Variants in LRRC27 observed in about 807,000 individuals in gnomAD.
LRRC27 encodes leucine rich repeat containing 27, also known as leucine-rich repeat-containing protein 27.
In LRRC27, 57 loss-of-function variants were observed where a neutral mutation model predicts 55.0. The observed-to-expected ratio is 1.04, with a 90% CI of 0.84 to 1.29. LRRC27 has a LOEUF of 1.29. Among genes scored for constraint, LRRC27 ranks in the 50% most tolerant of loss-of-function variants. The pLI, the probability that LRRC27 is intolerant of heterozygous loss-of-function variation, is 0.00. For missense variants in LRRC27, 721 were observed against 651.5 expected, an observed-to-expected ratio of 1.11 and a Z score of -1.16; for synonymous variants, 278 against 251.9, an observed-to-expected ratio of 1.10 and a Z score of -0.98.
At chr10:132,342,944 T>C (rs568815504) in intron 4 of LRRC27, among the ~76,000 whole-genome samples, 175 of 152,308 alleles carry the variant, frequency 1.1e-3, no homozygotes, top group African/African-American at 4.1e-3. Context: ...TACATAAAAG[T>C]ACAAACATTA....
chr10:132,344,839 C>G (rs535880335), intron 5 of LRRC27, 189 bp downstream of exon 5: 15 of 531,084 alleles, frequency 2.8e-5, no homozygotes, highest in Admixed American at 6.4e-5. Flanking sequence ...TTCCTTGGTT[C>G]TATAAATCTG....
upstream of LRRC27, chr10:132,331,780 C>T: frequency 6.2e-7 from 1 of 1,608,260 alleles, no homozygotes; most frequent in South Asian, 1.1e-5. Context: ...GTCGCCCCTC[C>T]AGACCCTCGC....
In LRRC27 at chr10:132,355,849, A is replaced by AAACTC. The variant is rs2068283136; in HGVS notation, c.1134_1135insACTCA (p.Glu379ThrfsTer25). ...GCCCAGAGGATGAGGAAGAGGAAGGAAGAGCTCAGCAAACTCCTGCCTCCG... is the reference window on the plus strand; with the variant it reads ...GCCCAGAGGATGAGGAAGAGGAAGGAAACTCAGAGCTCAGCAAACTCCTGCCTCCG... On this transcript the variant is annotated frameshift_variant, in exon 8 of 11. Coordinates refer to ENST00000368614, the MANE Select transcript of LRRC27 (RefSeq NM_030626.3). LOFTEE classifies it high-confidence loss of function. 6.4e-7 allele frequency: 1 copy of AAACTC among 1,558,746 alleles called. No homozygotes were observed. Among genetic ancestry groups the AAACTC allele is most frequent in the African/African-American group, 1.4e-5 (1 of 73,232 alleles).
At position 132,374,371 on chromosome 10, in the gene LRRC27, G is replaced by T. The variant is rs939641547; in HGVS notation, c.1417-695G>T. 6.6e-6 allele frequency among the ~76,000 whole-genome samples: 1 copy of T among 152,144 alleles called. No homozygotes were observed. Among genetic ancestry groups the T allele is most frequent in the African/African-American group, 2.4e-5 (1 of 41,412 alleles). ...CAGGGCTCCTGTGCTTGGAGTGGGG[G>T]AGGTTGGGACTCTGCAGAGGGCCTG... On this transcript the variant is annotated intron_variant, in intron 10 of 10. Transcript: ENST00000368614. The surrounding 1 kb of genome is among the most constrained non-coding windows in gnomAD (Gnocchi z 4.4).
At position 132,375,251 on chromosome 10, in the gene LRRC27, G is replaced by T; in HGVS notation, c.*9G>T. ...TTCGCAGATACCAGTGACACCAGGT[G>T]GCTGGACTGATGGAGACGTCTTCAG... On this transcript the variant is annotated 3_prime_UTR_variant, in exon 11 of 11. Coordinates refer to ENST00000368614, the MANE Select transcript of LRRC27 (RefSeq NM_030626.3). 1 of 1,608,224 alleles carries T rather than the reference G, an allele frequency of 6.2e-7. No homozygotes were observed. Among genetic ancestry groups the T allele is most frequent in the Non-Finnish European group, 8.5e-7 (1 of 1,176,156 alleles).
Position 132,359,102 on chromosome 10 carries a change from T to C in LRRC27, c.1171-2355T>C, listed in dbSNP as rs1339906971. On this transcript the variant is annotated intron_variant, in intron 8 of 10. Coordinates refer to ENST00000368614, the MANE Select transcript of LRRC27 (RefSeq NM_030626.3). ...GGGAGGAGCCGAGGTGATGGAGCAGTGTGGGGAGGAGCCGAGGTGGTGGAG... is the reference window on the plus strand; with the variant it reads ...GGGAGGAGCCGAGGTGATGGAGCAGCGTGGGGAGGAGCCGAGGTGGTGGAG... Among the ~76,000 whole-genome samples the C allele has an allele frequency of 1.9e-3, 15 of 8,006 alleles. 2 individuals are homozygous for C. The highest frequency in any genetic ancestry group is 5.2e-3 in the South Asian group (1 of 194). 5.3% of individuals were successfully genotyped at this position (8,006 alleles called of 152,430 possible).
In LRRC27 at chr10:132,337,547, T is replaced by C. The variant is rs1326857930; in HGVS notation, c.211-18T>C. 1 of 1,608,888 alleles carries C rather than the reference T, an allele frequency of 6.2e-7. No individual in the cohort carries two copies. The highest frequency in any genetic ancestry group is 8.5e-7 in the Non-Finnish European group (1 of 1,177,958). ...AGTTGGTTAACAAAACATTCTCTGA[T>C]TCTCTTTTCCATGGAAGCAATTGCA... On this transcript the variant is annotated intron_variant, in intron 2 of 10. Coordinates refer to ENST00000368614, the MANE Select transcript of LRRC27 (RefSeq NM_030626.3).
chr10:132,342,220 A>G lies in LRRC27; in HGVS notation c.349A>G (p.Lys117Glu), dbSNP rs754951138. ...TTTTGTTTTGCTTTAAAGGCATTTG[A>G]AAACTTTGCTTTTAGAAAGAAATCC... ...PSGIGAHQHL[K>E]TLLLERNPIK... Residue 117 changes from lysine (K) to glutamate (E), a missense_variant, in exon 4 of 11, where the codon AAA becomes GAA. Physicochemically the swap from Lys to Glu is moderately conservative, Grantham distance 56. Transcript: ENST00000368614. 1 of 1,550,936 alleles carries G rather than the reference A, an allele frequency of 6.4e-7. No individual in the cohort carries two copies. The highest frequency in any genetic ancestry group is 1.2e-5 in the South Asian group (1 of 83,210).
intron 7 of LRRC27, chr10:132,353,216 T>TTGTGAGC (rs1220703920): frequency 5.2e-6 from 7 of 1,348,018 alleles, no homozygotes; most frequent in Non-Finnish European, 6.7e-6. Context: ...CCCGGCTTCT[T>TTGTGAGC]TGTGAGCTGC....
chr10:132,366,966 G>T, intron 10 of LRRC27: 1 of 1,274,940 alleles, frequency 7.8e-7, no homozygotes, highest in Non-Finnish European at 1.0e-6. Context: ...CAAGGAGTTT[G>T]TATCTGCCTT....
chr10:132,357,626 G>C (rs2068366108), intron 8 of LRRC27, among the ~76,000 whole-genome samples: 1 of 152,234 alleles, frequency 6.6e-6, no homozygotes, highest in Non-Finnish European at 1.5e-5. Context: ...TGACTTTGCG[G>C]GGAGGGCTGT....
chr10:132,349,045 A>G (rs755407762), intron 6 of LRRC27: 3 of 1,607,198 alleles, frequency 1.9e-6, no homozygotes, highest in South Asian at 2.2e-5. Context: ...GCGTGCGCCT[A>G]CACATATGGG....
chr10:132,351,812 T>C, intron 7 of LRRC27, 59 bp downstream of exon 7: 1 of 1,534,298 alleles, frequency 6.5e-7, no homozygotes, highest in Non-Finnish European at 8.8e-7. Flanking sequence ...GAACTGGGAC[T>C]GGGCTGTGAT....
At chr10:132,373,050 G>C (rs1476145254) in intron 10 of LRRC27, among the ~76,000 whole-genome samples, 1 of 152,154 alleles carries the variant, frequency 6.6e-6, no homozygotes, top group Admixed American at 6.5e-5. Flanking sequence ...TGACAAGCCA[G>C]AATTAAAATC....
chr10:132,340,418 C>T (rs2067355390), intron 3 of LRRC27, among the ~76,000 whole-genome samples: 1 of 152,156 alleles, frequency 6.6e-6, no homozygotes, highest in Non-Finnish European at 1.5e-5. Flanking sequence ...GTGAGTGGGC[C>T]AGAACCTTTC....
intron 7 of LRRC27, among the ~76,000 whole-genome samples, chr10:132,354,957 C>T (rs539822234): frequency 2.6e-5 from 4 of 152,314 alleles, no homozygotes; most frequent in Admixed American, 6.5e-5. Context: ...CGAGGAGCCC[C>T]GCCCAGCCGC....
In LRRC27 at chr10:132,365,564, G is replaced by T; in HGVS notation, c.1416+14G>T. On this transcript the variant is annotated intron_variant, in intron 10 of 10. Transcript: ENST00000368614. ...GATCTGGAAATTGTAAGGATTTCTT[G>T]GTTCTGTTTAAAAAAGTGTGGGGTG... The T allele has an allele frequency of 6.2e-7, 1 of 1,610,880 alleles. No homozygotes were observed. The highest frequency in any genetic ancestry group is 8.5e-7 in the Non-Finnish European group (1 of 1,179,374).
chr10:132,365,448 A>G lies in LRRC27; in HGVS notation c.1314A>G (p.Glu438=). 1 of 1,613,760 alleles carries G rather than the reference A, an allele frequency of 6.2e-7. No homozygotes were observed. Among genetic ancestry groups the G allele is most frequent in the Non-Finnish European group, 8.5e-7 (1 of 1,179,980 alleles). ...EMSALQERNL[E]EKIKQHVLQM... ...GTGCCCTGCAGGAGAGAAATTTAGA[A>G]GAGAAGATAAAACAGCACGTCCTCC... Residue 438 remains glutamate (E), a synonymous_variant, in exon 10 of 11, where the codon GAA becomes GAG. Transcript: ENST00000368614.
chr10:132,348,148 C>G lies in LRRC27; in HGVS notation c.718C>G (p.Leu240Val), dbSNP rs1467701037. ...TCTCCCACCTGTGGAAAAGCCAGACCTGAGTGAACTCAGGAAGTCTGCGGA... is the reference window on the plus strand; with the variant it reads ...TCTCCCACCTGTGGAAAAGCCAGACGTGAGTGAACTCAGGAAGTCTGCGGA... ...SFLPPVEKPDLSELRKSADSS... is the reference protein window; with the variant it reads ...SFLPPVEKPDVSELRKSADSS... The change falls in exon 6 of 11, where the codon CTG becomes GTG. Residue 240 changes from leucine (L) to valine (V), a missense_variant. Leu to Val is a conservative substitution (Grantham distance 32). Coordinates refer to ENST00000368614, the MANE Select transcript of LRRC27 (RefSeq NM_030626.3). The surrounding 1 kb of genome is among the most constrained non-coding windows in gnomAD (Gnocchi z 4.2). 1 of 1,614,108 alleles carries G rather than the reference C, an allele frequency of 6.2e-7. No homozygotes were observed. Among genetic ancestry groups the G allele is most frequent in the Non-Finnish European group, 8.5e-7 (1 of 1,180,042 alleles).
Sources: allele counts gnomAD v4.1 joint callset (sites outside exome capture counted in the v4.1 genomes callset), GRCh38; gene constraint gnomAD v4.1.1; non-coding constraint Gnocchi (gnomAD v3.1); transcripts MANE v1.5; gene names NCBI Gene and HGNC (gene_info 2026-07-23, HGNC 2026-07-21).